The following DNAJC1 variants were observed in gnomAD, a reference collection of about 807,000 sequenced individuals.
The protein encoded by DNAJC1 is DnaJ heat shock protein family (Hsp40) member C1.
In DNAJC1, 58 loss-of-function variants were observed where a neutral mutation model predicts 76.6. The observed-to-expected ratio is 0.76, with a 90% CI of 0.61 to 0.94. DNAJC1 has a LOEUF of 0.94. Among genes scored for constraint, DNAJC1 ranks in the 40% least tolerant of loss-of-function variants. The pLI, the probability that DNAJC1 is intolerant of heterozygous loss-of-function variation, is 0.00. For synonymous variants in DNAJC1, 258 were observed against 267.9 expected (o/e 0.96, Z 0.36); for missense variants, 689 against 677.3 (o/e 1.02, Z -0.19).
chr10:21,830,059 C>T (rs528617425), intron 8 of DNAJC1, among the ~76,000 whole-genome samples: 1 of 152,220 alleles, frequency 6.6e-6, no homozygotes, highest in Non-Finnish European at 1.5e-5. Flanking sequence ...ATTTTTTTCT[C>T]CCATCTTCTA....
chr10:21,919,860 T>G lies in DNAJC1; in HGVS notation c.607A>C (p.Lys203Gln). Residue 203 changes from lysine to glutamine, a missense_variant, in exon 5 of 12, where the codon AAA becomes CAA. Physicochemically the swap from Lys to Gln is moderately conservative, Grantham distance 53. Transcript: ENST00000376980. The stretch of plus-strand genomic sequence containing the variant: ...TCATTTTTTTCTGAAGCACCGAGTT[T>G]TGATACATCCACACTCTTGCTGCCA... Reference protein sequence around the residue: ...KTGSKSVDVSKLGASEKNERL... With the variant: ...KTGSKSVDVSQLGASEKNERL... The G allele has an allele frequency of 6.2e-7, 1 of 1,608,032 alleles. No homozygotes were observed. Among genetic ancestry groups the G allele is most frequent in the Non-Finnish European group, 8.5e-7 (1 of 1,178,424 alleles).
intron 9 of DNAJC1, among the ~76,000 whole-genome samples, chr10:21,766,847 G>A (rs1834305840): frequency 6.6e-6 from 1 of 151,710 alleles, no homozygotes; most frequent in African/African-American, 2.4e-5. Context: ...GTGGTTGCCT[G>A]TAATCCCAGC....
chr10:21,965,760 C>T (rs538974726), intron 1 of DNAJC1, among the ~76,000 whole-genome samples: 2 of 152,268 alleles, frequency 1.3e-5, no homozygotes, highest in East Asian at 1.9e-4. Context: ...CTAGGGTGGA[C>T]GCGTTCCTCC....
intron 9 of DNAJC1, among the ~76,000 whole-genome samples, chr10:21,781,846 C>T (rs1260958769): frequency 6.6e-6 from 1 of 151,592 alleles, no homozygotes; most frequent in South Asian, 2.1e-4. Context: ...TTCTTTGAAA[C>T]CAATGAGAAC....
intron 8 of DNAJC1, among the ~76,000 whole-genome samples, chr10:21,867,737 C>G (rs946285840): frequency 7.9e-5 from 12 of 151,982 alleles, no homozygotes; most frequent in Admixed American, 7.9e-4. Flanking sequence ...ACACACCTAC[C>G]AGTATTATGA....
intron 8 of DNAJC1, among the ~76,000 whole-genome samples, chr10:21,875,386 C>A (rs933513797): frequency 1.3e-5 from 2 of 152,158 alleles, no homozygotes; most frequent in Admixed American, 6.5e-5. Flanking sequence ...GAAGTCCTGA[C>A]CTCAAACAAT....
At chr10:21,851,853 T>C (rs1396644030) in intron 8 of DNAJC1, among the ~76,000 whole-genome samples, 2 of 151,804 alleles carry the variant, frequency 1.3e-5, no homozygotes, top group Admixed American at 6.6e-5. Context: ...AGGAGATCGA[T>C]ACCATCCTGG....
At chr10:21,849,474 CAA>C (rs1042704846) in intron 8 of DNAJC1, among the ~76,000 whole-genome samples, 1 of 151,284 alleles carries the variant, frequency 6.6e-6, no homozygotes, top group African/African-American at 2.4e-5. Flanking sequence ...ATCAATGAAA[CAA>C]AATGTCATTT....
chr10:21,959,403 C>T (rs1837748217), intron 1 of DNAJC1, among the ~76,000 whole-genome samples: 1 of 151,998 alleles, frequency 6.6e-6, no homozygotes, highest in Non-Finnish European at 1.5e-5. Flanking sequence ...GCTAGGAGTA[C>T]AGGTATGAGC....
chr10:21,859,651 A>G (rs1017957859), intron 8 of DNAJC1, among the ~76,000 whole-genome samples: 4 of 152,182 alleles, frequency 2.6e-5, no homozygotes, highest in Non-Finnish European at 5.9e-5. Flanking sequence ...ATACACAGAC[A>G]TACTAGCTCT....
chr10:21,933,916 A>G (rs960060510), intron 1 of DNAJC1, among the ~76,000 whole-genome samples: 2 of 152,210 alleles, frequency 1.3e-5, no homozygotes, highest in African/African-American at 2.4e-5. Context: ...TGTATTGTAC[A>G]TAATATTTGA....
intron 7 of DNAJC1, among the ~76,000 whole-genome samples, chr10:21,897,601 A>G (rs1348429584): frequency 6.6e-6 from 1 of 152,148 alleles, no homozygotes; most frequent in African/African-American, 2.4e-5. Flanking sequence ...CAAGGATCTA[A>G]GTTGCACAAT....
At chr10:21,766,873 G>A (rs1834306162) in intron 9 of DNAJC1, among the ~76,000 whole-genome samples, 1 of 151,588 alleles carries the variant, frequency 6.6e-6, no homozygotes, top group Admixed American at 6.6e-5. Flanking sequence ...GGGAGGCTGA[G>A]GCAGGAGAAT....
chr10:21,918,733 A>T (rs773879751), intron 6 of DNAJC1, 46 bp downstream of exon 6: 43 of 1,409,522 alleles, frequency 3.1e-5, no homozygotes, highest in Non-Finnish European at 4.2e-5. Context: ...TTCATGAGTG[A>T]TTAAAAATAA....
At position 21,784,289 on chromosome 10, in the gene DNAJC1, T is replaced by C. The variant is rs187604050; in HGVS notation, c.1099-17980A>G. Among the ~76,000 whole-genome samples the C allele has an allele frequency of 2.2e-3, 339 of 152,154 alleles. 3 individuals carry two copies. Among genetic ancestry groups the C allele is most frequent in the African/African-American group, 7.8e-3 (323 of 41,554 alleles). ...AGAAGACACTTATGCAGCCAACAGA[T>C]GCAAGAAAAAATGCTCATCATCACT... On this transcript the variant is annotated intron_variant, in intron 9 of 11. Coordinates refer to ENST00000376980, the MANE Select transcript of DNAJC1 (RefSeq NM_022365.4).
chr10:21,878,726 C>T (rs1389726222), intron 8 of DNAJC1, among the ~76,000 whole-genome samples: 1 of 151,924 alleles, frequency 6.6e-6, no homozygotes, highest in Non-Finnish European at 1.5e-5. Context: ...TATAAGTGGA[C>T]CTATGCAGTT....
chr10:21,813,220 C>CTCTATATA (rs1438462566), intron 8 of DNAJC1, among the ~76,000 whole-genome samples: 11 of 19,088 alleles, frequency 5.8e-4, no homozygotes, highest in African/African-American at 7.7e-4. Context: ...CTCTCTCTCT[C>CTCTATATA]TATATATATA....
chr10:21,947,996 T>C (rs966340159), intron 1 of DNAJC1, among the ~76,000 whole-genome samples: 1 of 152,110 alleles, frequency 6.6e-6, no homozygotes, highest in Admixed American at 6.6e-5. Flanking sequence ...ATACATAGTT[T>C]GATTTCTCAG....
intron 8 of DNAJC1, among the ~76,000 whole-genome samples, chr10:21,855,313 G>A (rs1835817324): frequency 6.6e-6 from 1 of 152,174 alleles, no homozygotes; most frequent in African/African-American, 2.4e-5. Flanking sequence ...TCATTCATTA[G>A]GGTGTCTTTT....
Sources: allele counts gnomAD v4.1 joint callset (sites outside exome capture counted in the v4.1 genomes callset), GRCh38; gene constraint gnomAD v4.1.1; transcripts MANE v1.5; gene names NCBI Gene and HGNC (gene_info 2026-07-23, HGNC 2026-07-21).